The following SLC44A5 variants were observed in gnomAD, a reference collection of about 807,000 sequenced individuals.
The protein encoded by SLC44A5 is choline transporter-like protein 5.
A neutral mutation model predicts 101.8 loss-of-function variants in SLC44A5; 57 were observed. That is an observed-to-expected ratio of 0.56 (90% confidence interval 0.45 to 0.70). The LOEUF (loss-of-function observed/expected upper bound fraction) is 0.70, where lower values mean the gene tolerates loss of function less well. SLC44A5 is among the 30% of genes least tolerant of loss of function. SLC44A5 has a pLI of 0.00. For synonymous variants in SLC44A5, 281 were observed against 290.9 expected (o/e 0.97, Z 0.35); for missense variants, 737 against 853.1 (o/e 0.86, Z 1.70).
At chr1:75,406,355 C>G (rs1270665609) in intron 2 of SLC44A5, among the ~76,000 whole-genome samples, 1 of 152,162 alleles carries the variant, frequency 6.6e-6, no homozygotes, top group African/African-American at 2.4e-5. Context: ...CTCTGTAACT[C>G]ATTTTATGAG....
At chr1:75,287,852 TA>T (rs1653197766) in intron 5 of SLC44A5, among the ~76,000 whole-genome samples, 1 of 152,182 alleles carries the variant, frequency 6.6e-6, no homozygotes, top group African/African-American at 2.4e-5. Flanking sequence ...GCAGAGGTAG[TA>T]AGGGAGTGAA....
intron 2 of SLC44A5, among the ~76,000 whole-genome samples, chr1:75,450,877 T>C (rs1665870893): frequency 6.6e-6 from 1 of 152,170 alleles, no homozygotes; most frequent in African/African-American, 2.4e-5. Flanking sequence ...ATTTGGGGCA[T>C]CCACTCAACT....
chr1:75,432,069 C>G (rs1196187941), intron 2 of SLC44A5, among the ~76,000 whole-genome samples: 3 of 152,064 alleles, frequency 2.0e-5, no homozygotes, highest in Admixed American at 6.6e-5. Context: ...TGACTCCTCC[C>G]CCTTCATTTT....
intron 3 of SLC44A5, among the ~76,000 whole-genome samples, chr1:75,355,796 C>T (rs1342383284): frequency 1.3e-5 from 2 of 152,136 alleles, no homozygotes; most frequent in African/African-American, 2.4e-5. Flanking sequence ...CAATTATTTA[C>T]AGCCACGATA....
At chr1:75,610,429 A>G (rs775551327) in intron 1 of SLC44A5, among the ~76,000 whole-genome samples, 4 of 152,262 alleles carry the variant, frequency 2.6e-5, no homozygotes, top group African/African-American at 4.8e-5. Flanking sequence ...TGAAATGTTA[A>G]TAATATCTGT....
chr1:75,251,455 T>TATC (rs1649567764), intron 6 of SLC44A5, among the ~76,000 whole-genome samples, 161 bp from the exon 7 acceptor site: 3 of 152,184 alleles, frequency 2.0e-5, no homozygotes, highest in African/African-American at 7.2e-5. Flanking sequence ...ACCTTTAAAG[T>TATC]ATCTTTTTTT....
chr1:75,643,436 T>G, the SLC44A5 span, among the ~76,000 whole-genome samples: 1 of 152,186 alleles, frequency 6.6e-6, no homozygotes, highest in Non-Finnish European at 1.5e-5. Context: ...ATCGTTTAAT[T>G]ATATGTATAT....
Position 75,583,586 on chromosome 1 carries a change from T to G in SLC44A5, c.-70+27454A>C, listed in dbSNP as rs1052306226. Among the ~76,000 whole-genome samples the G allele has an allele frequency of 2.6e-5, 4 of 152,320 alleles. No homozygotes were observed. In the South Asian group the frequency reaches 8.3e-4, roughly 32 times the overall value. On this transcript the variant is annotated intron_variant, in intron 1 of 23. Transcript: ENST00000370859. ...GCTCTACTTTGTTTTCTATCCTTTGTCTTTTCCAGAAAAGAAGCAGAGACC... is the reference window on the plus strand; with the variant it reads ...GCTCTACTTTGTTTTCTATCCTTTGGCTTTTCCAGAAAAGAAGCAGAGACC...
chr1:75,383,823 T>A (rs1184211991), intron 3 of SLC44A5, among the ~76,000 whole-genome samples: 3 of 151,946 alleles, frequency 2.0e-5, no homozygotes, highest in Admixed American at 6.6e-5. Context: ...CGGGTTACCC[T>A]CAAAGGGAAG....
intron 4 of SLC44A5, among the ~76,000 whole-genome samples, chr1:75,306,249 A>C (rs1474518259): frequency 6.6e-6 from 1 of 152,200 alleles, no homozygotes; most frequent in Non-Finnish European, 1.5e-5. Flanking sequence ...GGACATTTAT[A>C]GAAAAAGTTT....
chr1:75,356,568 G>C (rs1195333251), intron 3 of SLC44A5, among the ~76,000 whole-genome samples: 2 of 151,936 alleles, frequency 1.3e-5, no homozygotes. Context: ...GTTACAGAAA[G>C]TTAAGGTTAA....
intron 5 of SLC44A5, among the ~76,000 whole-genome samples, chr1:75,282,861 A>G (rs1055933374): frequency 2.6e-5 from 4 of 152,108 alleles, no homozygotes; most frequent in African/African-American, 9.7e-5. Flanking sequence ...TAATTAAACC[A>G]CTTCCCTTTA....
chr1:75,706,426 T>C, the SLC44A5 span, among the ~76,000 whole-genome samples: 1 of 152,218 alleles, frequency 6.6e-6, no homozygotes, highest in African/African-American at 2.4e-5. Flanking sequence ...CTCTATTTAC[T>C]CTGCACAGAT....
intron 2 of SLC44A5, among the ~76,000 whole-genome samples, chr1:75,420,338 GTAGA>G (rs1385183581): frequency 6.6e-6 from 1 of 152,034 alleles, no homozygotes; most frequent in Non-Finnish European, 1.5e-5. Context: ...AATTATTGGT[GTAGA>G]TAAAGTACAA....
chr1:75,344,452 G>GT lies in SLC44A5; in HGVS notation c.53-4823_53-4822insA, dbSNP rs1380489952. ...TAAATGTTACCTAATATAAGGAAAG[G>GT]GATTTTGCAGATGTGAATAAATTAA... On this transcript the variant is annotated intron_variant, in intron 3 of 23. Coordinates refer to ENST00000370859, the MANE Select transcript of SLC44A5 (RefSeq NM_001130058.2). 5.9e-5 allele frequency among the ~76,000 whole-genome samples: 9 copies of GT among 152,256 alleles called. No individual in the cohort carries two copies. The East Asian group carries it at 1.7e-3, about 29-fold the overall frequency.
intron 12 of SLC44A5, 62 bp downstream of exon 12, chr1:75,233,924 C>A: frequency 8.2e-7 from 1 of 1,225,402 alleles, no homozygotes; most frequent in Non-Finnish European, 1.2e-6. Context: ...TAACTGATAA[C>A]AGCGATTGAA....
intron 3 of SLC44A5, among the ~76,000 whole-genome samples, chr1:75,342,529 G>A (rs1431106741): frequency 1.5e-5 from 2 of 130,902 alleles, no homozygotes; most frequent in African/African-American, 5.6e-5. Flanking sequence ...GGCATTGGAA[G>A]GCAGACTGTC....
intron 6 of SLC44A5, among the ~76,000 whole-genome samples, chr1:75,255,534 A>G (rs1391833283): frequency 2.6e-5 from 4 of 152,026 alleles, no homozygotes; most frequent in African/African-American, 9.7e-5. Context: ...AAGGAAAAAA[A>G]GGAGAGGCAC....
At chr1:75,607,425 C>T (rs1675384858) in intron 1 of SLC44A5, among the ~76,000 whole-genome samples, 1 of 151,918 alleles carries the variant, frequency 6.6e-6, no homozygotes, top group African/African-American at 2.4e-5. Context: ...TTATAAGCAA[C>T]TTTTTATTTT....
Sources: allele counts gnomAD v4.1 joint callset (sites outside exome capture counted in the v4.1 genomes callset), GRCh38; gene constraint gnomAD v4.1.1; transcripts MANE v1.5; gene names NCBI Gene and HGNC (gene_info 2026-07-23, HGNC 2026-07-21).